AFAP1L2: variants seen among roughly 807,000 people sequenced by gnomAD.
AFAP1L2 encodes the protein actin filament associated protein 1 like 2.
Under a neutral mutation model 99.3 loss-of-function variants are expected in AFAP1L2, and 46 were observed. The ratio of observed to expected loss-of-function variants is 0.46; its 90% CI spans 0.37 to 0.59. AFAP1L2 has a LOEUF of 0.59. Ranked by LOEUF, AFAP1L2 falls within the 20% of genes least tolerant of loss-of-function variation. The pLI, the probability that AFAP1L2 is intolerant of heterozygous loss-of-function variation, is 0.00. For missense variants in AFAP1L2, 959 were observed against 1,034.9 expected (o/e 0.93, Z 1.01); for synonymous variants, 397 against 419.1 (o/e 0.95, Z 0.64).
intron 1 of AFAP1L2, among the ~76,000 whole-genome samples, chr10:114,362,069 C>G (rs1033270168): frequency 2.0e-5 from 3 of 152,198 alleles, no homozygotes; most frequent in Admixed American, 1.3e-4. Flanking sequence ...CTAACAAGTG[C>G]TGTGAACTTC....
intron 5 of AFAP1L2, among the ~76,000 whole-genome samples, chr10:114,319,973 C>T (rs1319896784): frequency 2.6e-5 from 4 of 152,176 alleles, no homozygotes; most frequent in African/African-American, 9.7e-5. Context: ...TCTGCTCTCT[C>T]TTTGCAGAGG....
intron 1 of AFAP1L2, among the ~76,000 whole-genome samples, chr10:114,357,905 A>G (rs1282935354): frequency 6.6e-6 from 1 of 152,210 alleles, no homozygotes; most frequent in African/African-American, 2.4e-5. Flanking sequence ...TTTTGACAAT[A>G]CACACTTTCT....
the AFAP1L2 span, among the ~76,000 whole-genome samples, chr10:114,283,072 T>C: frequency 1.3e-5 from 2 of 152,178 alleles, no homozygotes; most frequent in Admixed American, 1.3e-4. Context: ...ATCGATGCCA[T>C]TATGCATCAT....
At chr10:114,372,977 A>G (rs1242819693) in intron 1 of AFAP1L2, among the ~76,000 whole-genome samples, 2 of 152,236 alleles carry the variant, frequency 1.3e-5, no homozygotes, top group Non-Finnish European at 2.9e-5. Context: ...GCTACGTGGT[A>G]TTCCATGGAA....
intron 1 of AFAP1L2, among the ~76,000 whole-genome samples, chr10:114,369,422 C>T (rs1294428152): frequency 6.6e-6 from 1 of 151,816 alleles, no homozygotes. Context: ...GGTGAAACCC[C>T]GTCTCTACTA....
At chr10:114,387,916 G>C (rs1264230902) in intron 1 of AFAP1L2, among the ~76,000 whole-genome samples, 2 of 152,070 alleles carry the variant, frequency 1.3e-5, no homozygotes, top group African/African-American at 4.8e-5. Context: ...CCACAATGCA[G>C]GGATCTCAGG....
intron 8 of AFAP1L2, among the ~76,000 whole-genome samples, chr10:114,308,916 T>C (rs376231386): frequency 6.6e-6 from 1 of 152,244 alleles, no homozygotes; most frequent in East Asian, 1.9e-4. Context: ...ATTTGAGTCC[T>C]GGCCGGAGCA....
chr10:114,341,733 C>G (rs1422805280), intron 1 of AFAP1L2, among the ~76,000 whole-genome samples: 2 of 152,326 alleles, frequency 1.3e-5, no homozygotes, highest in South Asian at 4.1e-4. Context: ...TCATACTCCA[C>G]AGCCCGGACA....
chr10:114,350,694 T>A (rs2050337674), intron 1 of AFAP1L2, among the ~76,000 whole-genome samples: 1 of 152,106 alleles, frequency 6.6e-6, no homozygotes. Context: ...CATCTCACTC[T>A]TGGATGGTGC....
At chr10:114,305,504 G>GGGATGC (rs2042097617) in intron 10 of AFAP1L2, among the ~76,000 whole-genome samples, 1 of 136,360 alleles carries the variant, frequency 7.3e-6, no homozygotes, top group African/African-American at 2.8e-5. Context: ...GCTGCAGGAG[G>GGGATGC]AGATGCAGGA....
chr10:114,346,214 A>C (rs1350702759), intron 1 of AFAP1L2, among the ~76,000 whole-genome samples: 1 of 152,118 alleles, frequency 6.6e-6, no homozygotes, highest in Non-Finnish European at 1.5e-5. Context: ...TCATTGTTCC[A>C]GGTCCAGCCA....
At chr10:114,354,138 G>C (rs900477983) in intron 1 of AFAP1L2, among the ~76,000 whole-genome samples, 10 of 152,154 alleles carry the variant, frequency 6.6e-5, no homozygotes, top group Non-Finnish European at 7.4e-5. Context: ...CAAAATAGCT[G>C]ATGAAATGGA....
intron 1 of AFAP1L2, among the ~76,000 whole-genome samples, chr10:114,359,428 C>T (rs1037248875): frequency 6.6e-6 from 1 of 152,184 alleles, no homozygotes; most frequent in Admixed American, 6.5e-5. Flanking sequence ...AATGGAGCAA[C>T]TGGGAAATGA....
In AFAP1L2 at chr10:114,378,976, C is replaced by A. The variant is rs537642528; in HGVS notation, c.16+25464G>T. Among the ~76,000 whole-genome samples, 8 of 152,200 alleles carry A rather than the reference C, an allele frequency of 5.3e-5. 1 individual carries two copies. In the South Asian group the frequency reaches 1.2e-3, roughly 24 times the overall value. On this transcript the variant is annotated intron_variant, in intron 1 of 18. Transcript: ENST00000304129. ...CCTGTAATCCCAGTACTCTGGGAGG[C>A]CGAGGCGGGCAGATCGCCTGAGGTC...
intron 11 of AFAP1L2, among the ~76,000 whole-genome samples, chr10:114,303,586 C>T (rs2041609301): frequency 6.6e-6 from 1 of 152,220 alleles, no homozygotes; most frequent in South Asian, 2.1e-4. Flanking sequence ...GGGTTACAGG[C>T]GTGGGCCATC....
At chr10:114,317,218 T>A (rs1414902458) in intron 5 of AFAP1L2, among the ~76,000 whole-genome samples, 4 of 152,260 alleles carry the variant, frequency 2.6e-5, no homozygotes, top group African/African-American at 9.6e-5. Context: ...GGATGAGGCC[T>A]CTGCAATAGT....
At chr10:114,360,374 T>C (rs866187473) in intron 1 of AFAP1L2, among the ~76,000 whole-genome samples, 3 of 152,206 alleles carry the variant, frequency 2.0e-5, no homozygotes, top group Non-Finnish European at 4.4e-5. Context: ...CTCTTAGGTT[T>C]CTAGCTTGCC....
chr10:114,283,211 T>C, the AFAP1L2 span, among the ~76,000 whole-genome samples: 2 of 152,084 alleles, frequency 1.3e-5, no homozygotes, highest in South Asian at 4.1e-4. Flanking sequence ...TTACTCCCGA[T>C]GAGTAGCCTG....
In AFAP1L2 at chr10:114,384,323, GT is replaced by G. The variant is rs990746533; in HGVS notation, c.16+20116del. ...CTTCATCAATGGCATCTTGTCTGTC[GT>G]CCCCCCCCCGCTGCAAGTGATGAAC... On this transcript the variant is annotated intron_variant, in intron 1 of 18. Transcript: ENST00000304129. Among the ~76,000 whole-genome samples the G allele has an allele frequency of 2.8e-3, 412 of 148,780 alleles. 3 individuals are homozygous for G. The highest frequency in any genetic ancestry group is 9.5e-3 in the African/African-American group (376 of 39,758).
Sources: gnomAD v4.1 joint callset for allele counts (sites outside exome capture counted in the v4.1 genomes callset) on GRCh38, gnomAD v4.1.1 for gene constraint, MANE v1.5 for transcripts, NCBI Gene and HGNC (gene_info 2026-07-23, HGNC 2026-07-21) for gene names.